Variants in MYO6 observed in about 807,000 individuals in gnomAD.
MYO6 encodes the protein unconventional myosin-VI.
A neutral mutation model predicts 178.7 loss-of-function variants in MYO6; 74 were observed. The ratio of observed to expected loss-of-function variants is 0.41; its 90% CI spans 0.34 to 0.50. MYO6 has a LOEUF of 0.50. MYO6 is among the 20% of genes least tolerant of loss of function. The pLI, the probability that MYO6 is intolerant of heterozygous loss-of-function variation, is 0.09. For synonymous variants in MYO6, 477 were observed against 504.6 expected (o/e 0.95, Z 0.73); for missense variants, 1,330 against 1,547.4 (o/e 0.86, Z 2.36).
chr6:75,855,005 T>G, intron 11 of MYO6, 134 bp from the exon 12 acceptor site: 1 of 775,606 alleles, frequency 1.3e-6, no homozygotes, highest in Non-Finnish European at 2.1e-6. Context: ...AAAAGTGAGG[T>G]AGATTTAAAA....
intron 1 of MYO6, among the ~76,000 whole-genome samples, chr6:75,750,957 G>A (rs1016221104): frequency 6.6e-6 from 1 of 152,322 alleles, no homozygotes; most frequent in African/African-American, 2.4e-5. Context: ...TGGACTGGTA[G>A]TGGTCATGGT....
At position 75,914,051 on chromosome 6, in the gene MYO6, T is replaced by A; in HGVS notation, c.3440-12T>A. 6.2e-7 allele frequency: 1 copy of A among 1,613,614 alleles called. No homozygotes were observed. Among genetic ancestry groups the A allele is most frequent in the South Asian group, 1.1e-5 (1 of 91,078 alleles). On this transcript the variant is annotated splice_polypyrimidine_tract_variant and intron_variant, in intron 33 of 34. Coordinates refer to ENST00000369977, the MANE Select transcript of MYO6 (RefSeq NM_004999.4). ...GAGCTGCTGGTATAACTTTCCTTGT[T>A]CTGTGTAATAGCTCAGCAAAACCCA...
chr6:75,756,550 C>T (rs1777373017), intron 1 of MYO6, among the ~76,000 whole-genome samples: 1 of 152,094 alleles, frequency 6.6e-6, no homozygotes, highest in African/African-American at 2.4e-5. Context: ...CCAGGCTGGT[C>T]TCGAACTTCT....
At chr6:75,763,571 A>G (rs1778137124) in intron 1 of MYO6, among the ~76,000 whole-genome samples, 1 of 152,198 alleles carries the variant, frequency 6.6e-6, no homozygotes, top group South Asian at 2.1e-4. Context: ...AGGATTGAAT[A>G]ATAGTTTTTT....
chr6:75,894,736 G>T, intron 28 of MYO6: 1 of 892,270 alleles, frequency 1.1e-6, no homozygotes, highest in Non-Finnish European at 1.6e-6. Context: ...GATGTTGTTG[G>T]GTTCTATGCT....
At chr6:75,876,262 T>G (rs879538542) in intron 20 of MYO6, among the ~76,000 whole-genome samples, 1 of 152,310 alleles carries the variant, frequency 6.6e-6, no homozygotes. Context: ...TATACATATT[T>G]GTATAATTAT....
intron 7 of MYO6, 145 bp downstream of exon 7, chr6:75,836,101 A>G (rs2150233039): frequency 1.4e-6 from 1 of 705,888 alleles, no homozygotes; most frequent in East Asian, 2.7e-5. Flanking sequence ...CTTGTTATTT[A>G]CCTAATATCA....
chr6:75,806,979 C>T (rs1770165624), intron 1 of MYO6, among the ~76,000 whole-genome samples: 1 of 152,122 alleles, frequency 6.6e-6, no homozygotes, highest in South Asian at 2.1e-4. Flanking sequence ...CAGAGCTGGT[C>T]TCAGCACAGA....
intron 3 of MYO6, among the ~76,000 whole-genome samples, chr6:75,824,244 A>G (rs888655737): frequency 6.6e-6 from 1 of 152,142 alleles, no homozygotes; most frequent in African/African-American, 2.4e-5. Flanking sequence ...CTAACTTACA[A>G]ATTTTTGCAA....
At chr6:75,804,424 T>G (rs1379915557) in intron 1 of MYO6, among the ~76,000 whole-genome samples, 1 of 152,112 alleles carries the variant, frequency 6.6e-6, no homozygotes, top group Non-Finnish European at 1.5e-5. Flanking sequence ...ATAACATTGT[T>G]TTGAGCAGCA....
At chr6:75,835,725 C>A (rs1005729277) in intron 6 of MYO6, among the ~76,000 whole-genome samples, 176 bp from the exon 7 acceptor site, 1 of 152,136 alleles carries the variant, frequency 6.6e-6, no homozygotes, top group African/African-American at 2.4e-5. Context: ...AGCCACCACA[C>A]CTGACCCCAA....
chr6:75,893,090 T>C (rs1385761246), intron 28 of MYO6, among the ~76,000 whole-genome samples: 5 of 152,122 alleles, frequency 3.3e-5, no homozygotes, highest in Admixed American at 6.5e-5. Context: ...TTGAGATTTT[T>C]CTAATGCAAA....
chr6:75,848,208 T>C, intron 10 of MYO6, 143 bp from the exon 11 acceptor site: 1 of 748,166 alleles, frequency 1.3e-6, no homozygotes, highest in South Asian at 1.6e-5. Flanking sequence ...CATTTAGTTT[T>C]TGAATGTTAG....
intron 30 of MYO6, among the ~76,000 whole-genome samples, chr6:75,906,698 C>CA (rs1388902050): frequency 2.0e-5 from 3 of 151,844 alleles, no homozygotes; most frequent in African/African-American, 7.3e-5. Flanking sequence ...AAACAAAAAA[C>CA]AAACAAAACG....
rs1781226656 is a variant in MYO6, at chr6:75,918,220, T to G, written c.*3208T>G. On this transcript the variant is annotated 3_prime_UTR_variant, in exon 35 of 35. Transcript: ENST00000369977. ...TACCAATAATAACAAGTATTGAGAG[T>G]TTTAAAATTTCTCCCAGAAGATAAA... 1.3e-5 allele frequency: 2 copies of G among 152,000 alleles called. No homozygotes were observed. Among genetic ancestry groups the G allele is most frequent in the South Asian group, 4.2e-4 (2 of 4,818 alleles). The allele number at this position is 152,000 out of a possible 1,614,324, so 9.4% of individuals were successfully genotyped here.
At chr6:75,865,563 C>T (rs1776594198) in intron 16 of MYO6, among the ~76,000 whole-genome samples, 1 of 151,354 alleles carries the variant, frequency 6.6e-6, no homozygotes, top group African/African-American at 2.4e-5. Context: ...TGGGGTTTTG[C>T]CATGTTGCTC....
intron 13 of MYO6, 52 bp from the exon 14 acceptor site, chr6:75,858,850 T>G (rs1775951099): frequency 9.5e-7 from 1 of 1,051,412 alleles, no homozygotes; most frequent in Admixed American, 1.9e-5. Context: ...TATGATAAAT[T>G]TATATGAAGT....
intron 3 of MYO6, among the ~76,000 whole-genome samples, chr6:75,828,274 A>G (rs760306038): frequency 1.3e-5 from 2 of 152,158 alleles, no homozygotes; most frequent in Non-Finnish European, 2.9e-5. Flanking sequence ...TTTTTAATCA[A>G]CCTTCATTAA....
At chr6:75,770,692 G>A (rs1411645721) in intron 1 of MYO6, among the ~76,000 whole-genome samples, 1 of 152,118 alleles carries the variant, frequency 6.6e-6, no homozygotes, top group Non-Finnish European at 1.5e-5. Flanking sequence ...AAATAGTCTG[G>A]TCTTGAACTC....
Sources: allele counts gnomAD v4.1 joint callset (sites outside exome capture counted in the v4.1 genomes callset), GRCh38; gene constraint gnomAD v4.1.1; transcripts MANE v1.5; gene names NCBI Gene and HGNC (gene_info 2026-07-23, HGNC 2026-07-21).